FBXL2: variants seen among roughly 807,000 people sequenced by gnomAD.
The protein encoded by FBXL2 is F-box and leucine rich repeat protein 2, also known as F-box/LRR-repeat protein 2.
In FBXL2, 38 loss-of-function variants were observed where a neutral mutation model predicts 69.2. The ratio of observed to expected loss-of-function variants is 0.55; its 90% CI spans 0.42 to 0.72. The LOEUF (loss-of-function observed/expected upper bound fraction) is 0.72. Ranked by LOEUF, FBXL2 falls within the 30% of genes least tolerant of loss-of-function variation. The pLI is 0.00. For missense variants in FBXL2, 354 were observed against 520.3 expected, an observed-to-expected ratio of 0.68 and a Z score of 3.11; for synonymous variants, 192 against 201.3, an observed-to-expected ratio of 0.95 and a Z score of 0.39.
At chr3:33,305,934 T>A (rs1456838269) in intron 2 of FBXL2, among the ~76,000 whole-genome samples, 1 of 152,040 alleles carries the variant, frequency 6.6e-6, no homozygotes, top group African/African-American at 2.4e-5. Flanking sequence ...CCCTCCTTGA[T>A]TAATCTCACT....
chr3:33,404,343 C>T (rs2044355849), downstream of FBXL2, among the ~76,000 whole-genome samples: 4 of 151,746 alleles, frequency 2.6e-5, no homozygotes, highest in Non-Finnish European at 5.9e-5. Context: ...ACCTGGGAGG[C>T]GGGGGTTGCA....
intron 2 of FBXL2, among the ~76,000 whole-genome samples, chr3:33,312,619 G>C (rs567898318): frequency 6.6e-6 from 1 of 152,010 alleles, no homozygotes; most frequent in Non-Finnish European, 1.5e-5. Flanking sequence ...ATTTCTTAAT[G>C]GTTGTGTTAA....
intron 5 of FBXL2, 103 bp downstream of exon 5, chr3:33,364,822 C>T: frequency 9.3e-7 from 1 of 1,072,128 alleles, no homozygotes. Flanking sequence ...AAAATTCTTT[C>T]TGTGGTAATT....
intron 1 of FBXL2, chr3:33,289,735 A>G: frequency 1.0e-6 from 1 of 985,442 alleles, no homozygotes; most frequent in Non-Finnish European, 1.2e-6. Flanking sequence ...CAATTAGTAC[A>G]TTGGAATAGG....
intron 4 of FBXL2, among the ~76,000 whole-genome samples, chr3:33,362,878 G>T (rs1389369888): frequency 2.6e-5 from 4 of 151,460 alleles, no homozygotes; most frequent in African/African-American, 9.7e-5. Context: ...TGGTGACAAA[G>T]ATTTATTTTA....
intron 9 of FBXL2, 106 bp from the exon 10 acceptor site, chr3:33,375,182 T>C (rs2042555366): frequency 1.4e-6 from 2 of 1,380,750 alleles, no homozygotes; most frequent in Non-Finnish European, 2.0e-6. Flanking sequence ...GATAAAATGC[T>C]AGTAATCAGC....
In FBXL2 at chr3:33,375,328, G is replaced by A. The variant is rs950864870; in HGVS notation, c.698G>A (p.Cys233Tyr). Residue 233 changes from cysteine (C) to tyrosine (Y), a missense_variant, in exon 10 of 15, where the codon TGT becomes TAT. Cys to Tyr is a radical substitution (Grantham distance 194). Coordinates refer to ENST00000484457, the MANE Select transcript of FBXL2 (RefSeq NM_012157.5). ...DEGVVQICRG[C>Y]HRLQALCLSG... ...GGTGTGGTGCAGATATGCAGGGGCT[G>A]TCACCGGCTACAGGCTCTCTGCCTT... 17 of 1,614,204 alleles carry A rather than the reference G, an allele frequency of 1.1e-5. No individual in the cohort carries two copies. The highest frequency in any genetic ancestry group is 1.4e-5 in the Non-Finnish European group (17 of 1,180,020).
At chr3:33,397,157 T>C (rs1559668805) in intron 12 of FBXL2, 2 of 1,546,036 alleles carry the variant, frequency 1.3e-6, no homozygotes, top group Non-Finnish European at 1.7e-6. Context: ...CAAAAATATT[T>C]TTCTCAAATA....
chr3:33,319,678 G>A (rs1051750649), intron 2 of FBXL2, among the ~76,000 whole-genome samples: 1 of 152,078 alleles, frequency 6.6e-6, no homozygotes, highest in Non-Finnish European at 1.5e-5. Context: ...TAATGTATGA[G>A]TTATTTCCAA....
intron 2 of FBXL2, among the ~76,000 whole-genome samples, chr3:33,347,263 AC>A (rs2040514071): frequency 6.6e-6 from 1 of 152,018 alleles, no homozygotes; most frequent in South Asian, 2.1e-4. Flanking sequence ...TGACATAATG[AC>A]CCCCAGTTCC....
chr3:33,344,615 C>T (rs959311490), intron 2 of FBXL2, among the ~76,000 whole-genome samples: 1 of 151,976 alleles, frequency 6.6e-6, no homozygotes, highest in Non-Finnish European at 1.5e-5. Context: ...TAAAATTATA[C>T]ACTATTAAAA....
chr3:33,281,672 G>A (rs1277096544), intron 1 of FBXL2, among the ~76,000 whole-genome samples: 1 of 152,150 alleles, frequency 6.6e-6, no homozygotes. Flanking sequence ...CAGTGTAAAA[G>A]TGTTCCTATT....
intron 2 of FBXL2, among the ~76,000 whole-genome samples, chr3:33,325,221 A>G (rs147878928): frequency 5.3e-4 from 81 of 152,332 alleles, no homozygotes; most frequent in African/African-American, 1.9e-3. Context: ...TAAATAAACA[A>G]TCATGTCATC....
intron 12 of FBXL2, chr3:33,398,061 T>C (rs969650577): frequency 1.3e-5 from 2 of 152,180 alleles, no homozygotes; most frequent in African/African-American, 4.8e-5. Context: ...TTTTTGAAGG[T>C]AGGAGATGGC....
chr3:33,287,740 C>G, intron 1 of FBXL2, among the ~76,000 whole-genome samples: 1 of 152,224 alleles, frequency 6.6e-6, no homozygotes, highest in East Asian at 1.9e-4. Flanking sequence ...TTGAACTCAA[C>G]CAGTCTGTTT....
intron 12 of FBXL2, among the ~76,000 whole-genome samples, chr3:33,402,469 C>T (rs1241005893): frequency 6.6e-6 from 1 of 152,168 alleles, no homozygotes; most frequent in Non-Finnish European, 1.5e-5. Flanking sequence ...TAGTAATAAA[C>T]TCACTTTGTC....
At chr3:33,332,848 C>T (rs984442176) in intron 2 of FBXL2, among the ~76,000 whole-genome samples, 4 of 152,056 alleles carry the variant, frequency 2.6e-5, no homozygotes, top group African/African-American at 7.2e-5. Flanking sequence ...TGTGGTTGAT[C>T]GTTGAGCAAA....
downstream of FBXL2, among the ~76,000 whole-genome samples, chr3:33,406,891 AC>A (rs1368779828): frequency 6.6e-6 from 1 of 152,238 alleles, no homozygotes; most frequent in Non-Finnish European, 1.5e-5. Context: ...GTTTTGTTGT[AC>A]GGCATCTCCT....
chr3:33,347,370 G>GA (rs1347892770), intron 2 of FBXL2, among the ~76,000 whole-genome samples: 4 of 152,136 alleles, frequency 2.6e-5, no homozygotes, highest in African/African-American at 9.7e-5. Flanking sequence ...ATGTATGGAT[G>GA]AATGTATCCA....
Sources: gnomAD v4.1 joint callset for allele counts (sites outside exome capture counted in the v4.1 genomes callset) on GRCh38, gnomAD v4.1.1 for gene constraint, MANE v1.5 for transcripts, NCBI Gene and HGNC (gene_info 2026-07-23, HGNC 2026-07-21) for gene names.